The following DZIP1 variants were observed in gnomAD, a reference collection of about 807,000 sequenced individuals.
The protein encoded by DZIP1 is DAZ interacting zinc finger protein 1, also known as cilium assembly protein DZIP1.
In DZIP1, 97 loss-of-function variants were observed where a neutral mutation model predicts 107.6. The observed-to-expected ratio is 0.90, with a 90% confidence interval of 0.77 to 1.07. The LOEUF is 1.07. Among genes scored for constraint, DZIP1 ranks in the 50% least tolerant of loss-of-function variants. DZIP1 has a pLI of 0.00. For synonymous variants in DZIP1, 390 were observed against 386.4 expected (o/e 1.01, Z -0.11); for missense variants, 1,035 against 1,063.6 (o/e 0.97, Z 0.37).
intron 8 of DZIP1, among the ~76,000 whole-genome samples, chr13:95,623,507 C>A (rs1403120307): frequency 6.6e-6 from 1 of 152,238 alleles, no homozygotes; most frequent in Admixed American, 6.5e-5. Flanking sequence ...ACTGCTCCCA[C>A]ACAAAAATGC....
In DZIP1 at chr13:95,594,282, G is replaced by A. The variant is rs929901890; in HGVS notation, c.1538-196C>T. Among the ~76,000 whole-genome samples the A allele has an allele frequency of 7.2e-5, 11 of 152,078 alleles. No individual in the cohort carries two copies. In the East Asian group the frequency reaches 1.4e-3, roughly 19 times the overall value. On this transcript the variant is annotated intron_variant, in intron 15 of 22. Transcript: ENST00000376829. The stretch of plus-strand genomic sequence containing the variant: ...GCAGCTTTTAAAACTATTTTATGTC[G>A]GCTTCAAAACTTCAGTATTTTCAAA...
chr13:95,584,570 T>A (rs2044102057), intron 22 of DZIP1, 166 bp downstream of exon 22: 1 of 1,268,334 alleles, frequency 7.9e-7, no homozygotes, highest in African/African-American at 1.5e-5. Context: ...TATATATGAA[T>A]CAGTGAGTTA....
In DZIP1 at chr13:95,641,581, T is replaced by G. The variant is rs761555772; in HGVS notation, c.311A>C (p.Glu104Ala). Residue 104 changes from glutamate (E) to alanine (A), a missense_variant, in exon 5 of 23, where the codon GAG becomes GCG. Physicochemically the swap from Glu to Ala is moderately radical, Grantham distance 107 (BLOSUM62 -1). Coordinates refer to ENST00000376829, the MANE Select transcript of DZIP1 (RefSeq NM_198968.4). This position sits in a 1 kb window ranked among gnomAD's most constrained non-coding sequence, Gnocchi z 4.3. ...MNITFCKLED[E>A]KCPHCQSGVD... ...CCCCGACTGGCAGTGTGGGCACTTC[T>G]CGTCTTCCAGCTTGCAGAAGGTGAT... 3 of 1,613,636 alleles carry G rather than the reference T, an allele frequency of 1.9e-6. No homozygotes were observed. The highest frequency in any genetic ancestry group is 2.5e-6 in the Non-Finnish European group (3 of 1,180,040).
intron 8 of DZIP1, 118 bp downstream of exon 8, chr13:95,624,650 A>G: frequency 1.1e-6 from 1 of 899,526 alleles, no homozygotes; most frequent in South Asian, 1.5e-5. Context: ...TCTCAGGGAG[A>G]AGAATGTCTG....
chr13:95,641,936 C>G lies in DZIP1; in HGVS notation c.36+58G>C. On this transcript the variant is annotated intron_variant, in intron 4 of 22. Coordinates refer to ENST00000376829, the MANE Select transcript of DZIP1 (RefSeq NM_198968.4). The surrounding 1 kb of genome is among the most constrained non-coding windows in gnomAD (Gnocchi z 4.3). ...TGGGGAGCTGGGGGTCCGGGGAAGCCCCGGTTCTCCCCAGCCCGGCATCCC... is the reference window on the plus strand; with the variant it reads ...TGGGGAGCTGGGGGTCCGGGGAAGCGCCGGTTCTCCCCAGCCCGGCATCCC... 1 of 1,513,550 alleles carries G rather than the reference C, an allele frequency of 6.6e-7. No homozygotes were observed. The highest frequency in any genetic ancestry group is 8.8e-7 in the Non-Finnish European group (1 of 1,139,642). 93.8% of individuals were successfully genotyped at this position (1,513,550 alleles called of 1,614,324 possible).
At chr13:95,596,264 A>G (rs1370996342) in intron 15 of DZIP1, among the ~76,000 whole-genome samples, 2 of 152,196 alleles carry the variant, frequency 1.3e-5, no homozygotes, top group South Asian at 2.1e-4. Flanking sequence ...CTTTCTAAAG[A>G]CTAGCATTTC....
In DZIP1 at chr13:95,606,260, A is replaced by G. The variant is rs187604222; in HGVS notation, c.1421-201T>C. ...CTTTATGGAGATATGTTCCCCTTTT[A>G]AAAATATACAATTCAGTGGGTTTTT... On this transcript the variant is annotated intron_variant, in intron 13 of 22. Coordinates refer to ENST00000376829, the MANE Select transcript of DZIP1 (RefSeq NM_198968.4). Among the ~76,000 whole-genome samples, 3 of 152,332 alleles carry G rather than the reference A, an allele frequency of 2.0e-5. No individual in the cohort carries two copies. In the East Asian group the frequency reaches 5.8e-4, roughly 29 times the overall value.
Position 95,642,023 on chromosome 13 carries a change from C to G in DZIP1, c.7G>C (p.Ala3Pro), listed in dbSNP as rs1878596056. The change falls in exon 4 of 23, where the codon GCT becomes CCT. Residue 3 changes from alanine (A) to proline (P), a missense_variant. Physicochemically the swap from Ala to Pro is conservative, Grantham distance 27. Transcript: ENST00000376829. The stretch of plus-strand genomic sequence containing the variant: ...CTTGAAAACCAATCCGCTGCCTCAG[C>G]TTGCATAGGAGGAGCCGGGCGGTCT... MQ[A>P]EAADWFSSMP... 3 of 1,575,940 alleles carry G rather than the reference C, an allele frequency of 1.9e-6. No homozygotes were observed. The highest frequency in any genetic ancestry group is 2.6e-6 in the Non-Finnish European group (3 of 1,166,360).
rs1008454420 is a variant in DZIP1, at chr13:95,591,931, T to C, written c.1681-1490A>G. On this transcript the variant is annotated intron_variant, in intron 16 of 22. Transcript: ENST00000376829. ...AGACTAATGAAGAAGGCATGGCCTA[T>C]AAAAGATATTAAAACACAGGACAAA... 2.0e-5 allele frequency among the ~76,000 whole-genome samples: 3 copies of C among 152,266 alleles called. No homozygotes were observed. The South Asian group carries it at 6.2e-4, about 32-fold the overall frequency.
intron 15 of DZIP1, among the ~76,000 whole-genome samples, chr13:95,597,538 T>A (rs2044491740): frequency 6.6e-6 from 1 of 152,202 alleles, no homozygotes; most frequent in Non-Finnish European, 1.5e-5. Context: ...CAATATTTTT[T>A]AAGCACTATT....
At chr13:95,590,004 A>G in intron 17 of DZIP1, 72 bp from the exon 18 acceptor site, 2 of 1,542,732 alleles carry the variant, frequency 1.3e-6, no homozygotes, top group Non-Finnish European at 1.8e-6. Flanking sequence ...GGTAAACGGT[A>G]TAATACCCCC....
chr13:95,642,498 T>C (rs1214874264), intron 3 of DZIP1, among the ~76,000 whole-genome samples: 1 of 152,182 alleles, frequency 6.6e-6, no homozygotes, highest in Non-Finnish European at 1.5e-5. Flanking sequence ...CATTCCATCA[T>C]TAATAGAAAA....
At chr13:95,597,957 T>A (rs920692646) in intron 15 of DZIP1, among the ~76,000 whole-genome samples, 4 of 152,066 alleles carry the variant, frequency 2.6e-5, no homozygotes, top group African/African-American at 7.2e-5. Flanking sequence ...GCTGTGGTGG[T>A]CTTTAAGGTG....
chr13:95,619,514 T>C (rs1315599327), intron 10 of DZIP1, among the ~76,000 whole-genome samples: 2 of 152,246 alleles, frequency 1.3e-5, no homozygotes, highest in Non-Finnish European at 2.9e-5. Flanking sequence ...ATGATACCAA[T>C]GCATCGTAAA....
chr13:95,644,207 CCCTT>C lies in DZIP1; in HGVS notation c.-526+166_-526+169del, dbSNP rs986965307. 4.6e-5 allele frequency among the ~76,000 whole-genome samples: 7 copies of C among 152,244 alleles called. No individual in the cohort carries two copies. In the East Asian group the frequency reaches 1.3e-3, roughly 29 times the overall value. ...CGCGGGTTCCAGGGGAACCTCGGCG[CCCTT>C]CCTTGGAAGGCAAACAGGCAGTGGG... is the stretch of plus-strand genomic sequence containing the variant. On this transcript the variant is annotated intron_variant, in intron 1 of 22. Coordinates refer to ENST00000376829, the MANE Select transcript of DZIP1 (RefSeq NM_198968.4).
chr13:95,612,415 C>T (rs1043442596), intron 10 of DZIP1, among the ~76,000 whole-genome samples: 2 of 152,186 alleles, frequency 1.3e-5, no homozygotes, highest in South Asian at 4.1e-4. Flanking sequence ...ATGGGAGCAG[C>T]TTAGCCAACT....
chr13:95,622,519 T>C (rs1876012241), intron 8 of DZIP1, 39 bp from the exon 9 acceptor site: 1 of 1,611,364 alleles, frequency 6.2e-7, no homozygotes. Flanking sequence ...ACAGTTAGAC[T>C]TTCATAAGAT....
rs938728536 is a variant in DZIP1 at position 95,644,639 on chromosome 13, A to AC, written c.-789dup. The AC allele has an allele frequency of 4.8e-5, 4 of 82,780 alleles. No individual in the cohort carries two copies. Among genetic ancestry groups the AC allele is most frequent in the East Asian group, 8.0e-4 (2 of 2,508 alleles). The allele number at this position is 82,780 out of a possible 1,614,324, so 5.1% of individuals were successfully genotyped here. A position where few individuals can be genotyped will look rare whatever the true frequency, so the allele number is the denominator to read the frequency against. ...GACCACGGACGACTCAGGATACCCC[A>AC]CCCCCCTCCCGCCCCCTCCCCTCCG... On this transcript the variant is annotated 5_prime_UTR_variant, in exon 1 of 23. Transcript: ENST00000376829.
chr13:95,631,839 T>A (rs1461016471), intron 6 of DZIP1, among the ~76,000 whole-genome samples: 1 of 152,184 alleles, frequency 6.6e-6, no homozygotes, highest in Non-Finnish European at 1.5e-5. Context: ...TCCCTCATGA[T>A]ACTCAGCTCA....
Sources: gnomAD v4.1 joint callset for allele counts (sites outside exome capture counted in the v4.1 genomes callset) on GRCh38, gnomAD v4.1.1 for gene constraint, Gnocchi (gnomAD v3.1) non-coding constraint, MANE v1.5 for transcripts, NCBI Gene and HGNC (gene_info 2026-07-23, HGNC 2026-07-21) for gene names.